Variants in PARPBP observed in about 807,000 individuals in gnomAD.
PARPBP encodes PCNA-interacting partner.
Under a neutral mutation model 50.0 loss-of-function variants are expected in PARPBP, and 52 were observed. The observed-to-expected ratio is 1.04, with a 90% CI of 0.83 to 1.31. The LOEUF is 1.31. PARPBP is among the 50% of genes most tolerant of loss of function. The probability of loss-of-function intolerance (pLI) is 0.00; values close to 1 mark genes in which losing one functional copy is unlikely to be tolerated. For synonymous variants in PARPBP, 244 were observed against 232.1 expected, an observed-to-expected ratio of 1.05 and a Z score of -0.47; for missense variants, 697 against 672.0, an observed-to-expected ratio of 1.04 and a Z score of -0.41.
chr12:102,150,267 A>G (rs1050780396), intron 3 of PARPBP: 12 of 455,112 alleles, frequency 2.6e-5, no homozygotes, highest in Non-Finnish European at 4.4e-5. Flanking sequence ...GTTCTAGGGA[A>G]ATTTCCAGTG....
At chr12:102,193,062 A>C (rs1226454187) in intron 9 of PARPBP, among the ~76,000 whole-genome samples, 3 of 151,690 alleles carry the variant, frequency 2.0e-5, no homozygotes, top group African/African-American at 7.3e-5. Flanking sequence ...TACTTCAGGA[A>C]TCCATTGCCT....
intron 6 of PARPBP, among the ~76,000 whole-genome samples, chr12:102,171,172 A>G (rs1271475084): frequency 6.6e-6 from 1 of 151,718 alleles, no homozygotes; most frequent in Non-Finnish European, 1.5e-5. Context: ...AAATAAGTAG[A>G]AGGAGTACAC....
chr12:102,196,559 T>TA lies in PARPBP; in HGVS notation c.*269dup. 1 of 910,594 alleles carries TA rather than the reference T, an allele frequency of 1.1e-6. No individual in the cohort carries two copies. Among genetic ancestry groups the TA allele is most frequent in the Non-Finnish European group, 1.8e-6 (1 of 544,804 alleles). 56.4% of individuals were successfully genotyped at this position (910,594 alleles called of 1,614,324 possible). A position where few individuals can be genotyped will look rare whatever the true frequency, so the allele number is the denominator to read the frequency against. On this transcript the variant is annotated 3_prime_UTR_variant, in exon 11 of 11. Coordinates refer to ENST00000327680, the MANE Select transcript of PARPBP (RefSeq NM_017915.5). The stretch of plus-strand genomic sequence containing the variant: ...TTTCTTTTAAAACAGACATTTAACA[T>TA]ACACAAGTTATAGTAGCAGTATGGG...
At chr12:102,123,065 T>C (rs77449222) in intron 1 of PARPBP, among the ~76,000 whole-genome samples, 39,190 of 152,064 alleles carry the variant, frequency 0.26, 5,198 homozygotes, top group East Asian at 0.42. Context: ...CCTGTTGTAA[T>C]AGGTGGTGAC....
At chr12:102,163,693 C>A (rs1391276003) in intron 4 of PARPBP, among the ~76,000 whole-genome samples, 1 of 152,124 alleles carries the variant, frequency 6.6e-6, no homozygotes, top group Non-Finnish European at 1.5e-5. Context: ...TTCAACAATA[C>A]TTTCTTCTAC....
chr12:102,120,712 C>T (rs147575527), intron 1 of PARPBP, among the ~76,000 whole-genome samples: 1 of 152,300 alleles, frequency 6.6e-6, no homozygotes, highest in African/African-American at 2.4e-5. Context: ...TTAAATTGAG[C>T]ACCTACTAAA....
chr12:102,145,705 G>C (rs547299754), intron 2 of PARPBP, among the ~76,000 whole-genome samples: 1 of 152,266 alleles, frequency 6.6e-6, no homozygotes, highest in Admixed American at 6.5e-5. Context: ...TCGTGGGATA[G>C]ATAGAAATTC....
chr12:102,148,439 T>G lies in PARPBP; in HGVS notation c.363T>G (p.Cys121Trp). 6.9e-7 allele frequency: 1 copy of G among 1,445,034 alleles called. No individual in the cohort carries two copies. The allele number at this position is 1,445,034 out of a possible 1,614,324, so 89.5% of individuals were successfully genotyped here. Residue 121 changes from cysteine (C) to tryptophan (W), a missense_variant, in exon 3 of 11, where the codon TGT becomes TGG. Physicochemically the swap from Cys to Trp is radical, Grantham distance 215 (BLOSUM62 -2). Coordinates refer to ENST00000327680, the MANE Select transcript of PARPBP (RefSeq NM_017915.5). ...YQKCRALTSN[C>W]ENYNTVSPSQ... ...AATGTAGGGCTTTGACTTCTAATTG[T>G]GAAAATTATAACACAGTATCTCCTG...
intron 2 of PARPBP, among the ~76,000 whole-genome samples, chr12:102,134,238 C>CAAA (rs771158918): frequency 0.034 from 3,140 of 91,180 alleles, 115 homozygotes; most frequent in African/African-American, 0.1. Flanking sequence ...AGAGAAGCCT[C>CAAA]AAAAAAAAAA....
chr12:102,124,259 T>C (rs180906175), intron 2 of PARPBP, among the ~76,000 whole-genome samples: 3 of 152,242 alleles, frequency 2.0e-5, no homozygotes, highest in Non-Finnish European at 2.9e-5. Context: ...TGTATGGTTA[T>C]ACACGGGACA....
At chr12:102,155,274 C>T (rs1176815430) in intron 4 of PARPBP, 1 of 152,958 alleles carries the variant, frequency 6.5e-6, no homozygotes, top group Admixed American at 6.5e-5. Flanking sequence ...CAGAGGAAGA[C>T]TCCATCTCAA....
chr12:102,124,881 G>T (rs532890105), intron 2 of PARPBP, among the ~76,000 whole-genome samples: 1 of 152,120 alleles, frequency 6.6e-6, no homozygotes, highest in African/African-American at 2.4e-5. Context: ...GACACTGACA[G>T]ATTTTAACCA....
intron 4 of PARPBP, 21 bp downstream of exon 4, chr12:102,153,997 A>G (rs747029564): frequency 9.9e-6 from 13 of 1,317,930 alleles, no homozygotes; most frequent in African/African-American, 1.4e-5. Flanking sequence ...ACTGTGAGTA[A>G]ATTAAAGCAG....
chr12:102,157,864 T>C (rs898577557), intron 4 of PARPBP, among the ~76,000 whole-genome samples: 7 of 152,124 alleles, frequency 4.6e-5, no homozygotes, highest in African/African-American at 7.2e-5. Flanking sequence ...CTCACGCCTG[T>C]AATCCCAGCA....
Position 102,175,543 on chromosome 12 carries a change from C to T in PARPBP, c.882C>T (p.Ser294=). Residue 294 remains serine (S), a synonymous_variant, in exon 7 of 11, where the codon AGC becomes AGT. Coordinates refer to ENST00000327680, the MANE Select transcript of PARPBP (RefSeq NM_017915.5). ...TGCAACTGATTAAAGGCCAAAACAGCAGGGATCCTTTTTGCAAAGCAATAG... is the reference window on the plus strand; with the variant it reads ...TGCAACTGATTAAAGGCCAAAACAGTAGGGATCCTTTTTGCAAAGCAATAG... ...IKMQLIKGQN[S]RDPFCKAIEE... 2 of 1,613,336 alleles carry T rather than the reference C, an allele frequency of 1.2e-6. No homozygotes were observed. The highest frequency in any genetic ancestry group is 1.7e-6 in the Non-Finnish European group (2 of 1,179,348).
chr12:102,192,905 C>A (rs532058537), intron 9 of PARPBP, among the ~76,000 whole-genome samples: 4 of 151,618 alleles, frequency 2.6e-5, no homozygotes, highest in Admixed American at 6.6e-5. Context: ...TGCATATAAT[C>A]CTTTATGAAA....
intron 4 of PARPBP, among the ~76,000 whole-genome samples, chr12:102,156,308 T>C (rs1886930451): frequency 1.4e-5 from 2 of 144,214 alleles, no homozygotes. Context: ...TTCCTCAGCC[T>C]CCCGCGTAGC....
chr12:102,147,058 T>A (rs145736234), intron 2 of PARPBP, among the ~76,000 whole-genome samples: 1 of 152,154 alleles, frequency 6.6e-6, no homozygotes, highest in East Asian at 1.9e-4. Context: ...CATTAAAAAG[T>A]CAGGATACAA....
rs375174630 is a variant in PARPBP, at chr12:102,123,669, A to C, written c.-3-217A>C. Among the ~76,000 whole-genome samples, 18 of 152,226 alleles carry C rather than the reference A, an allele frequency of 1.2e-4. 1 individual carries two copies. Among genetic ancestry groups the C allele is most frequent in the Admixed American group, 2.0e-4 (3 of 15,282 alleles). On this transcript the variant is annotated intron_variant, in intron 1 of 10. Coordinates refer to ENST00000327680, the MANE Select transcript of PARPBP (RefSeq NM_017915.5). ...TGAAGGCTACATTTTGTTCTTTCAG[A>C]AGGTTTGGCTTAAGAAACCAAAGGG...
Sources: gnomAD v4.1 joint callset for allele counts (sites outside exome capture counted in the v4.1 genomes callset) on GRCh38, gnomAD v4.1.1 for gene constraint, MANE v1.5 for transcripts, NCBI Gene and HGNC (gene_info 2026-07-23, HGNC 2026-07-21) for gene names.